The following MARCHF4 variants were observed in gnomAD, a reference collection of about 807,000 sequenced individuals.
MARCHF4 encodes the protein membrane associated ring-CH-type finger 4.
A neutral mutation model predicts 43.9 loss-of-function variants in MARCHF4; 14 were observed. The observed-to-expected ratio is 0.32, with a 90% confidence interval of 0.21 to 0.50. The LOEUF is 0.50. MARCHF4 is among the 20% of genes least tolerant of loss of function. The pLI is 0.98. For missense variants in MARCHF4, 468 were observed against 536.7 expected, an observed-to-expected ratio of 0.87 and a Z score of 1.27; for synonymous variants, 226 against 213.3, an observed-to-expected ratio of 1.06 and a Z score of -0.52.
chr2:216,320,675 C>CT (rs749350936), intron 1 of MARCHF4, among the ~76,000 whole-genome samples: 543 of 33,080 alleles, frequency 0.016, 7 homozygotes, highest in East Asian at 0.037. Flanking sequence ...TTCTTTCTTT[C>CT]TTTTTTTTTT....
At chr2:216,363,608 C>G (rs1388288613) in intron 1 of MARCHF4, among the ~76,000 whole-genome samples, 1 of 152,186 alleles carries the variant, frequency 6.6e-6, no homozygotes, top group African/African-American at 2.4e-5. Flanking sequence ...GAAGTAGGAA[C>G]TGAAAGCTCA....
chr2:216,342,358 T>A (rs576469257), intron 1 of MARCHF4, among the ~76,000 whole-genome samples: 1 of 152,252 alleles, frequency 6.6e-6, no homozygotes, highest in East Asian at 1.9e-4. Context: ...GGAGAACTCA[T>A]CTGGAACAAG....
At chr2:216,308,980 G>C (rs1361223340) in intron 1 of MARCHF4, among the ~76,000 whole-genome samples, 1 of 152,188 alleles carries the variant, frequency 6.6e-6, no homozygotes, top group Non-Finnish European at 1.5e-5. Flanking sequence ...AAAGTACTTG[G>C]AGAGGGAAGA....
chr2:216,280,084 G>A (rs964536319), intron 2 of MARCHF4, among the ~76,000 whole-genome samples: 2 of 152,068 alleles, frequency 1.3e-5, no homozygotes, highest in African/African-American at 2.4e-5. Flanking sequence ...AGTGTGAAGC[G>A]TGACGAAGGA....
chr2:216,358,195 T>C (rs1343812791), intron 1 of MARCHF4, among the ~76,000 whole-genome samples: 1 of 152,202 alleles, frequency 6.6e-6, no homozygotes, highest in African/African-American at 2.4e-5. Flanking sequence ...ATTAAGATTC[T>C]GAGTCTATAA....
chr2:216,340,361 G>A (rs114359656), intron 1 of MARCHF4, among the ~76,000 whole-genome samples: 2,246 of 152,180 alleles, frequency 0.015, 36 homozygotes, highest in Middle Eastern at 0.041. Flanking sequence ...GATTTTGAAG[G>A]GCTGGCAGTT....
chr2:216,261,950 A>C (rs1179936830), intron 3 of MARCHF4, among the ~76,000 whole-genome samples: 1 of 152,090 alleles, frequency 6.6e-6, no homozygotes, highest in African/African-American at 2.4e-5. Context: ...GAGTGCAGTG[A>C]CTCTTTACAA....
rs371338919 is a variant in MARCHF4, at chr2:216,347,243, G to A, written c.516+22502C>T. ...GACCCTGTAAAACAAGTCAAAGAAC[G>A]GTGGCATCATTCTAAGAGAAGGGGA... On this transcript the variant is annotated intron_variant, in intron 1 of 3. Transcript: ENST00000273067. Among the ~76,000 whole-genome samples the A allele has an allele frequency of 6.6e-5, 10 of 152,242 alleles. No homozygotes were observed. The East Asian group carries it at 1.2e-3, about 18-fold the overall frequency.
At chr2:216,302,182 G>GT (rs992352865) in intron 1 of MARCHF4, among the ~76,000 whole-genome samples, 7 of 152,054 alleles carry the variant, frequency 4.6e-5, no homozygotes, top group African/African-American at 1.7e-4. Context: ...CAAGTAAGCA[G>GT]TTTTGTTTTT....
At chr2:216,366,144 G>A (rs558737652) in intron 1 of MARCHF4, among the ~76,000 whole-genome samples, 4 of 152,138 alleles carry the variant, frequency 2.6e-5, no homozygotes, top group Non-Finnish European at 5.9e-5. Context: ...TTATAGTATT[G>A]ACTGATTTGA....
chr2:216,263,435 AAGAGAGAGAGAGAG>A (rs10557836), intron 3 of MARCHF4, among the ~76,000 whole-genome samples: 2 of 137,242 alleles, frequency 1.5e-5, no homozygotes, highest in African/African-American at 2.8e-5. Flanking sequence ...CTGAAAGAGA[AAGAGAGAGAGAGAG>A]AGAGAGAGAG....
At chr2:216,303,164 G>T (rs75364000) in intron 1 of MARCHF4, among the ~76,000 whole-genome samples, 10,153 of 152,192 alleles carry the variant, frequency 0.067, 1,132 homozygotes, top group African/African-American at 0.23. Context: ...TGGCAAGAAC[G>T]TCATCTCCTA....
chr2:216,336,986 T>G (rs1487818851), intron 1 of MARCHF4, among the ~76,000 whole-genome samples: 2 of 151,864 alleles, frequency 1.3e-5, no homozygotes, highest in Non-Finnish European at 2.9e-5. Context: ...ACCCCGTCTC[T>G]ACTAAAAATA....
intron 1 of MARCHF4, among the ~76,000 whole-genome samples, chr2:216,354,342 C>T (rs899142314): frequency 6.6e-6 from 1 of 152,196 alleles, no homozygotes. Flanking sequence ...ATGGAGAATT[C>T]TCTTAACTGC....
chr2:216,363,694 C>T (rs1400554086), intron 1 of MARCHF4, among the ~76,000 whole-genome samples: 1 of 152,096 alleles, frequency 6.6e-6, no homozygotes, highest in Non-Finnish European at 1.5e-5. Flanking sequence ...GTGTCTGTTG[C>T]CTATTGGCCA....
At chr2:216,270,494 G>T (rs1690919590) in intron 3 of MARCHF4, among the ~76,000 whole-genome samples, 1 of 152,044 alleles carries the variant, frequency 6.6e-6, no homozygotes, top group Non-Finnish European at 1.5e-5. Context: ...GGGACTACCT[G>T]TGTGCTATAA....
chr2:216,314,588 G>A (rs1393552819), intron 1 of MARCHF4, among the ~76,000 whole-genome samples: 1 of 152,154 alleles, frequency 6.6e-6, no homozygotes, highest in Admixed American at 6.5e-5. Context: ...CTCCCAAAGT[G>A]CTGGGGTTAC....
intron 2 of MARCHF4, among the ~76,000 whole-genome samples, chr2:216,283,073 T>C (rs1246634622): frequency 6.6e-6 from 1 of 152,162 alleles, no homozygotes; most frequent in Non-Finnish European, 1.5e-5. Flanking sequence ...AGAAGGGCCA[T>C]TGAGTCTATT....
intron 1 of MARCHF4, among the ~76,000 whole-genome samples, chr2:216,300,720 C>T (rs1056189078): frequency 2.0e-5 from 3 of 152,060 alleles, no homozygotes; most frequent in Non-Finnish European, 2.9e-5. Flanking sequence ...ATTATTCCCA[C>T]GGCTTCTGTT....
Sources: allele counts gnomAD v4.1 joint callset (sites outside exome capture counted in the v4.1 genomes callset), GRCh38; gene constraint gnomAD v4.1.1; transcripts MANE v1.5; gene names NCBI Gene and HGNC (gene_info 2026-07-23, HGNC 2026-07-21).